FSTL4: variants seen among roughly 807,000 people sequenced by gnomAD.
FSTL4 encodes follistatin-related protein 4.
FSTL4 carries 28 observed loss-of-function variants against 78.2 expected under a neutral mutation model. The ratio of observed to expected loss-of-function variants is 0.36; its 90% confidence interval spans 0.27 to 0.49. The LOEUF (loss-of-function observed/expected upper bound fraction) is 0.49, where lower values mean the gene tolerates loss of function less well. Among genes scored for constraint, FSTL4 ranks in the 20% least tolerant of loss-of-function variants. The probability of loss-of-function intolerance (pLI) is 0.98; values close to 1 mark genes in which losing one functional copy is unlikely to be tolerated. For missense variants in FSTL4, 922 were observed against 1,084.9 expected, an observed-to-expected ratio of 0.85 and a Z score of 2.11; for synonymous variants, 422 against 440.5, an observed-to-expected ratio of 0.96 and a Z score of 0.53.
At chr5:133,725,984 G>C in the FSTL4 span, among the ~76,000 whole-genome samples, 1 of 152,176 alleles carries the variant, frequency 6.6e-6, no homozygotes, top group African/African-American at 2.4e-5. Flanking sequence ...GGTCTGAAGA[G>C]TGCCAGAGTC....
the FSTL4 span, among the ~76,000 whole-genome samples, chr5:133,648,398 G>C: frequency 1.3e-5 from 2 of 152,226 alleles, no homozygotes; most frequent in Non-Finnish European, 2.9e-5. Context: ...TGGACAAGGA[G>C]GGTATCCCTT....
At position 133,250,373 on chromosome 5, in the gene FSTL4, C is replaced by T. The variant is rs538491172; in HGVS notation, c.728-797G>A. 3.3e-5 allele frequency among the ~76,000 whole-genome samples: 5 copies of T among 152,272 alleles called. No homozygotes were observed. The East Asian group carries it at 5.8e-4, about 18-fold the overall frequency. ...GGATCAGGCTTTGGGGGACAGTCAG[C>T]GGCCCACTGATGGGACTGGCTCCCT... On this transcript the variant is annotated intron_variant, in intron 6 of 15. Transcript: ENST00000265342.
At chr5:133,516,994 T>TAC (rs1758865111) in intron 3 of FSTL4, among the ~76,000 whole-genome samples, 1 of 151,798 alleles carries the variant, frequency 6.6e-6, no homozygotes, top group Non-Finnish European at 1.5e-5. Flanking sequence ...AAGAGGATCT[T>TAC]TGGTCCCAGG....
At chr5:133,388,653 T>C (rs1397821441) in intron 4 of FSTL4, 1 of 152,094 alleles carries the variant, frequency 6.6e-6, no homozygotes, top group Non-Finnish European at 1.5e-5. Context: ...ATTTTTTTTT[T>C]CAAAACCTAA....
At chr5:133,453,457 G>C (rs1757420946) in intron 3 of FSTL4, among the ~76,000 whole-genome samples, 1 of 152,202 alleles carries the variant, frequency 6.6e-6, no homozygotes, top group African/African-American at 2.4e-5. Flanking sequence ...CCTGGGCAGA[G>C]GGGCCTCACA....
the FSTL4 span, among the ~76,000 whole-genome samples, chr5:133,812,679 C>T: frequency 2.0e-5 from 3 of 152,224 alleles, no homozygotes; most frequent in Non-Finnish European, 4.4e-5. Flanking sequence ...CTTTATTTTA[C>T]ATCCATGCAG....
intron 6 of FSTL4, chr5:133,252,042 A>G (rs1752263107): frequency 6.6e-6 from 1 of 152,362 alleles, no homozygotes. Flanking sequence ...TTCCCTGGAC[A>G]CTCAGAAGCC....
chr5:133,753,683 C>CTT, the FSTL4 span, among the ~76,000 whole-genome samples: 237 of 120,696 alleles, frequency 2.0e-3, no homozygotes, highest in African/African-American at 6.7e-3. Flanking sequence ...CACATTTGTT[C>CTT]TGTGTGTGTG....
At chr5:133,655,679 A>C in the FSTL4 span, among the ~76,000 whole-genome samples, 6,047 of 152,252 alleles carry the variant, frequency 0.04, 403 homozygotes, top group African/African-American at 0.14. Flanking sequence ...AGCCTTGAAT[A>C]TAATATCAGA....
chr5:133,738,017 G>C, the FSTL4 span, among the ~76,000 whole-genome samples: 55 of 152,248 alleles, frequency 3.6e-4, 1 homozygote, highest in East Asian at 0.01. Context: ...TGTTTCTCCG[G>C]GCTCAGGGTT....
intron 4 of FSTL4, among the ~76,000 whole-genome samples, chr5:133,370,603 G>T (rs549984012): frequency 6.6e-6 from 1 of 152,180 alleles, no homozygotes; most frequent in East Asian, 1.9e-4. Flanking sequence ...CAGGCTCGGG[G>T]AAGGGCAGCA....
At chr5:133,704,878 C>G in the FSTL4 span, among the ~76,000 whole-genome samples, 2 of 152,184 alleles carry the variant, frequency 1.3e-5, no homozygotes, top group African/African-American at 4.8e-5. Flanking sequence ...AGATGCGACA[C>G]CAACAGAATC....
At chr5:133,583,237 A>C (rs1056188924) in intron 2 of FSTL4, 2 of 455,686 alleles carry the variant, frequency 4.4e-6, no homozygotes, top group African/African-American at 4.0e-5. Flanking sequence ...ACAGTAACCA[A>C]CTTGGCTGCC....
At chr5:133,756,356 A>G in the FSTL4 span, among the ~76,000 whole-genome samples, 19 of 151,720 alleles carry the variant, frequency 1.3e-4, no homozygotes, top group Admixed American at 1.1e-3. Context: ...CCGTGCCATC[A>G]TAGGACTGTG....
At chr5:133,768,212 C>G in the FSTL4 span, among the ~76,000 whole-genome samples, 1 of 152,152 alleles carries the variant, frequency 6.6e-6, no homozygotes, top group Non-Finnish European at 1.5e-5. Context: ...GGAGTGTACC[C>G]GGAGTTGTGA....
At chr5:133,816,464 C>G in the FSTL4 span, among the ~76,000 whole-genome samples, 3 of 152,174 alleles carry the variant, frequency 2.0e-5, no homozygotes, top group Admixed American at 6.5e-5. Flanking sequence ...ATGAAAAGCC[C>G]AGGGAAAGCC....
intron 3 of FSTL4, among the ~76,000 whole-genome samples, chr5:133,549,592 A>G (rs1759653421): frequency 6.6e-6 from 1 of 151,784 alleles, no homozygotes; most frequent in South Asian, 2.1e-4. Flanking sequence ...TCATTTTTAC[A>G]AATTTTAACT....
At chr5:133,623,454 G>C in the FSTL4 span, among the ~76,000 whole-genome samples, 3 of 151,894 alleles carry the variant, frequency 2.0e-5, no homozygotes, top group African/African-American at 7.2e-5. Context: ...ACATGCAAAA[G>C]AATGTGTTTA....
chr5:133,395,524 CAGAG>C (rs1232659945), intron 4 of FSTL4, among the ~76,000 whole-genome samples: 2 of 152,242 alleles, frequency 1.3e-5, no homozygotes, highest in African/African-American at 2.4e-5. Context: ...TTCTCGAAGT[CAGAG>C]AGACCAAGAA....
Sources: gnomAD v4.1 joint callset for allele counts (sites outside exome capture counted in the v4.1 genomes callset) on GRCh38, gnomAD v4.1.1 for gene constraint, MANE v1.5 for transcripts, NCBI Gene and HGNC (gene_info 2026-07-23, HGNC 2026-07-21) for gene names.